The following MAP3K4 variants were observed in gnomAD, a reference collection of about 807,000 sequenced individuals.
The protein encoded by MAP3K4 is MAP three kinase 1.
A neutral mutation model predicts 185.6 loss-of-function variants in MAP3K4; 67 were observed. That is an observed-to-expected ratio of 0.36 (90% CI 0.30 to 0.44). The LOEUF is 0.44. Among genes scored for constraint, MAP3K4 ranks in the 20% least tolerant of loss-of-function variants. The pLI, the probability that MAP3K4 is intolerant of heterozygous loss-of-function variation, is 1.00. For synonymous variants in MAP3K4, 702 were observed against 710.4 expected, an observed-to-expected ratio of 0.99 and a Z score of 0.19; for missense variants, 1,551 against 1,995.1, an observed-to-expected ratio of 0.78 and a Z score of 4.24.
chr6:161,058,705 C>T (rs1784354544), intron 3 of MAP3K4, among the ~76,000 whole-genome samples: 1 of 151,972 alleles, frequency 6.6e-6, no homozygotes, highest in African/African-American at 2.4e-5. Flanking sequence ...CATAATCCTA[C>T]TACAACTTGA....
intron 13 of MAP3K4, 45 bp from the exon 14 acceptor site, chr6:161,092,933 G>A (rs375971266): frequency 1.8e-5 from 20 of 1,140,370 alleles, no homozygotes; most frequent in African/African-American, 7.6e-5. Flanking sequence ...CTGCTACAGC[G>A]TTTTCTTGGT....
chr6:161,008,938 C>T lies in MAP3K4; in HGVS notation c.152+16855C>T, dbSNP rs1045022526. ...TGCTCAATGGGTATAATGTTTATAC[C>T]CATTGTATAAATGTATCATGGCATA... On this transcript the variant is annotated intron_variant, in intron 1 of 26. Coordinates refer to ENST00000392142, the MANE Select transcript of MAP3K4 (RefSeq NM_005922.4). The surrounding 1 kb of genome is among the most constrained non-coding windows in gnomAD (Gnocchi z 4.1). Among the ~76,000 whole-genome samples, 10 of 151,276 alleles carry T rather than the reference C, an allele frequency of 6.6e-5. No individual in the cohort carries two copies. The highest frequency in any genetic ancestry group is 2.0e-4 in the Admixed American group (3 of 15,160).
At chr6:161,019,849 T>C (rs1291236907) in intron 1 of MAP3K4, among the ~76,000 whole-genome samples, 1 of 152,234 alleles carries the variant, frequency 6.6e-6, no homozygotes, top group Non-Finnish European at 1.5e-5. Context: ...AAAATTTTTT[T>C]AAACTCAAAT....
intron 7 of MAP3K4, among the ~76,000 whole-genome samples, chr6:161,085,821 G>A (rs986584316): frequency 6.6e-6 from 1 of 152,162 alleles, no homozygotes; most frequent in Non-Finnish European, 1.5e-5. Context: ...TCCAGTTCAG[G>A]GGGCCATGGG....
rs369005038 is a variant in MAP3K4, at chr6:161,110,449, T to A, written c.4396+535T>A. Among the ~76,000 whole-genome samples the A allele has an allele frequency of 2.6e-5, 4 of 152,336 alleles. 1 individual carries two copies. ...TGCTCTTCTCATAGCACGAGGGGAATAGCTGGGCTTCTGTCTCAGAACGGT... is the reference window on the plus strand; with the variant it reads ...TGCTCTTCTCATAGCACGAGGGGAAAAGCTGGGCTTCTGTCTCAGAACGGT... On this transcript the variant is annotated intron_variant, in intron 23 of 26. Coordinates refer to ENST00000392142, the MANE Select transcript of MAP3K4 (RefSeq NM_005922.4). This position sits in a 1 kb window ranked among gnomAD's most constrained non-coding sequence, Gnocchi z 4.8.
In MAP3K4 at chr6:161,048,677, G is replaced by T. The variant is rs1253225396; in HGVS notation, c.405G>T (p.Val135=). The change falls in exon 3 of 27, where the codon GTG becomes GTT. Residue 135 remains valine, a synonymous_variant. Coordinates refer to ENST00000392142, the MANE Select transcript of MAP3K4 (RefSeq NM_005922.4). The surrounding 1 kb of genome is among the most constrained non-coding windows in gnomAD (Gnocchi z 4.7). ...HKDTGKTVEN[V]EEYSYKQEKK... is the part of the protein sequence containing the mutation. ...ACACTGGAAAAACAGTGGAGAATGT[G>T]GAAGAATACAGCTATAAGCAGGAGA... 1 of 1,613,418 alleles carries T rather than the reference G, an allele frequency of 6.2e-7. No individual in the cohort carries two copies. The highest frequency in any genetic ancestry group is 1.3e-5 in the African/African-American group (1 of 74,826).
chr6:161,075,735 T>C lies in MAP3K4; in HGVS notation c.2097+2123T>C, dbSNP rs1301340043. ...ATAGTGGAAGTCTAGGCTAAGTGACTTACCAACATTCACAGCTGGTTAGTT... is the reference window on the plus strand; with the variant it reads ...ATAGTGGAAGTCTAGGCTAAGTGACCTACCAACATTCACAGCTGGTTAGTT... On this transcript the variant is annotated intron_variant, in intron 5 of 26. Coordinates refer to ENST00000392142, the MANE Select transcript of MAP3K4 (RefSeq NM_005922.4). This position sits in a 1 kb window ranked among gnomAD's most constrained non-coding sequence, Gnocchi z 4.3. Among the ~76,000 whole-genome samples the C allele has an allele frequency of 6.6e-6, 1 of 152,182 alleles. No individual in the cohort carries two copies. Among genetic ancestry groups the C allele is most frequent in the African/African-American group, 2.4e-5 (1 of 41,434 alleles).
At chr6:161,001,627 C>G (rs998196663) in intron 1 of MAP3K4, among the ~76,000 whole-genome samples, 1 of 152,164 alleles carries the variant, frequency 6.6e-6, no homozygotes, top group Non-Finnish European at 1.5e-5. Context: ...ATTCCTGGCT[C>G]GTTGCCTAAC....
rs1480392516 is a variant in MAP3K4 at position 161,017,900 on chromosome 6, A to T, written c.153-16359A>T. ...TTATAACCCTAAAAATACACAGAAC[A>T]GTTTTTTTAGATTAAAAAATATAAA... is the stretch of plus-strand genomic sequence containing the variant. On this transcript the variant is annotated intron_variant, in intron 1 of 26. Transcript: ENST00000392142. The surrounding 1 kb of genome is among the most constrained non-coding windows in gnomAD (Gnocchi z 5.1). Among the ~76,000 whole-genome samples, 2 of 152,244 alleles carry T rather than the reference A, an allele frequency of 1.3e-5. No individual in the cohort carries two copies.
At chr6:161,039,113 C>T (rs978342617) in intron 2 of MAP3K4, among the ~76,000 whole-genome samples, 1 of 151,978 alleles carries the variant, frequency 6.6e-6, no homozygotes, top group Non-Finnish European at 1.5e-5. Flanking sequence ...GAGGCTGGCC[C>T]AAATTCACTG....
chr6:161,017,768 C>T lies in MAP3K4; in HGVS notation c.153-16491C>T, dbSNP rs1352174971. ...CTTCCTAAAGACACTGCTGTGTGAT[C>T]CTATTATATAATACTTAGCTACATC... On this transcript the variant is annotated intron_variant, in intron 1 of 26. Transcript: ENST00000392142. This position sits in a 1 kb window ranked among gnomAD's most constrained non-coding sequence, Gnocchi z 5.1. Among the ~76,000 whole-genome samples, 1 of 152,028 alleles carries T rather than the reference C, an allele frequency of 6.6e-6. No homozygotes were observed. Among genetic ancestry groups the T allele is most frequent in the Non-Finnish European group, 1.5e-5 (1 of 68,012 alleles).
At chr6:161,038,977 T>C (rs879486084) in intron 2 of MAP3K4, among the ~76,000 whole-genome samples, 2 of 152,176 alleles carry the variant, frequency 1.3e-5, no homozygotes, top group Admixed American at 6.5e-5. Flanking sequence ...ATTGGACTTC[T>C]TACACGGCAG....
Position 161,089,480 on chromosome 6 carries a change from C to T in MAP3K4, c.2973+9C>T, listed in dbSNP as rs1785917785. Reference sequence around the variant, plus strand: ...CTTTGCAGCAGCTGAAGGTATTACACTGTCCTCTACATTAGCTGAGATTTT... The same window carrying T: ...CTTTGCAGCAGCTGAAGGTATTACATTGTCCTCTACATTAGCTGAGATTTT... On this transcript the variant is annotated intron_variant, in intron 11 of 26. Coordinates refer to ENST00000392142, the MANE Select transcript of MAP3K4 (RefSeq NM_005922.4). 1.2e-6 allele frequency: 2 copies of T among 1,613,458 alleles called. No homozygotes were observed. Among genetic ancestry groups the T allele is most frequent in the Non-Finnish European group, 1.7e-6 (2 of 1,179,828 alleles).
chr6:161,076,372 G>T lies in MAP3K4; in HGVS notation c.2097+2760G>T, dbSNP rs1317924109. ...ATGGGAGCTCTCTTAGCAGGGGGAG[G>T]GGAAGCAGTGATTAGCAAGTTATGA... On this transcript the variant is annotated intron_variant, in intron 5 of 26. Transcript: ENST00000392142. The surrounding 1 kb of genome is among the most constrained non-coding windows in gnomAD (Gnocchi z 4.2). Among the ~76,000 whole-genome samples, 1 of 152,174 alleles carries T rather than the reference G, an allele frequency of 6.6e-6. No individual in the cohort carries two copies. The highest frequency in any genetic ancestry group is 1.5e-5 in the Non-Finnish European group (1 of 68,030).
At chr6:161,102,560 A>C (rs1025935923) in intron 18 of MAP3K4, 139 bp from the exon 19 acceptor site, 1 of 578,362 alleles carries the variant, frequency 1.7e-6, no homozygotes, top group African/African-American at 1.9e-5. Flanking sequence ...AGTTTCTCAC[A>C]CCTACATCAA....
chr6:161,010,568 A>G (rs1374628391), intron 1 of MAP3K4, among the ~76,000 whole-genome samples: 2 of 152,178 alleles, frequency 1.3e-5, no homozygotes, highest in Non-Finnish European at 2.9e-5. Flanking sequence ...GTCCAAGTTT[A>G]TTGCACAATT....
At chr6:161,090,103 T>C (rs879258988) in intron 11 of MAP3K4, among the ~76,000 whole-genome samples, 4 of 152,246 alleles carry the variant, frequency 2.6e-5, no homozygotes, top group Admixed American at 2.6e-4. Context: ...GAAGAAACAT[T>C]CTCTGAAGTT....
At position 161,048,880 on chromosome 6, in the gene MAP3K4, C is replaced by T. The variant is rs374383867; in HGVS notation, c.608C>T (p.Pro203Leu). 4.3e-6 allele frequency: 7 copies of T among 1,614,052 alleles called. No homozygotes were observed. In the African/African-American group the frequency reaches 9.3e-5, roughly 22 times the overall value. Residue 203 changes from proline (P) to leucine (L), a missense_variant, in exon 3 of 27, where the codon CCC becomes CTC. Physicochemically the swap from Pro to Leu is moderately conservative, Grantham distance 98 (BLOSUM62 -3). Around this residue, in one of 16 missense-constraint regions of MAP3K4, gnomAD observed 287 missense variants for 268.8 expected, o/e 1.07. Coordinates refer to ENST00000392142, the MANE Select transcript of MAP3K4 (RefSeq NM_005922.4). The surrounding 1 kb of genome is among the most constrained non-coding windows in gnomAD (Gnocchi z 4.7). ...AATGCTAAGCTTCCAGTATCTGTGC[C>T]CATGCCTATAGCCAGACCTGCACGC... ...CSNAKLPVSV[P>L]MPIARPARQT...
Position 161,091,296 on chromosome 6 carries a change from G to C in MAP3K4, c.2974-83G>C. On this transcript the variant is annotated intron_variant, in intron 11 of 26. Coordinates refer to ENST00000392142, the MANE Select transcript of MAP3K4 (RefSeq NM_005922.4). This position sits in a 1 kb window ranked among gnomAD's most constrained non-coding sequence, Gnocchi z 5.5. ...TTGTAGTGGTTAATGTCTGTGTGAT[G>C]ATGAACGAAATCTTCCTTTAAAATG... 1.7e-6 allele frequency: 2 copies of C among 1,193,870 alleles called. No homozygotes were observed. The highest frequency in any genetic ancestry group is 2.4e-6 in the Non-Finnish European group (2 of 847,716). 74.0% of individuals were successfully genotyped at this position (1,193,870 alleles called of 1,614,324 possible). A position where few individuals can be genotyped will look rare whatever the true frequency, so the allele number is the denominator to read the frequency against.
Sources: allele counts gnomAD v4.1 joint callset (sites outside exome capture counted in the v4.1 genomes callset), GRCh38; gene constraint gnomAD v4.1.1; regional missense constraint gnomAD v4.1.1; non-coding constraint Gnocchi (gnomAD v3.1); transcripts MANE v1.5; gene names NCBI Gene and HGNC (gene_info 2026-07-23, HGNC 2026-07-21).